Variants in RBPJ observed in about 807,000 individuals in gnomAD.
The protein encoded by RBPJ is recombining binding protein suppressor of hairless.
A neutral mutation model predicts 67.8 loss-of-function variants in RBPJ; 9 were observed. The ratio of observed to expected loss-of-function variants is 0.13; its 90% CI spans 0.08 to 0.23. RBPJ has a LOEUF of 0.23. RBPJ is among the 10% of genes least tolerant of loss of function. The pLI is 1.00. For missense variants in RBPJ, 305 were observed against 595.6 expected, an observed-to-expected ratio of 0.51 and a Z score of 5.08; for synonymous variants, 198 against 203.3, an observed-to-expected ratio of 0.97 and a Z score of 0.22.
At chr4:26,137,035 G>A in the RBPJ span, among the ~76,000 whole-genome samples, 1 of 152,176 alleles carries the variant, frequency 6.6e-6, no homozygotes, top group Non-Finnish European at 1.5e-5. Context: ...ACAAATGGGG[G>A]ACAAGACAAA....
At chr4:26,296,114 G>T (rs1721865325) in intron 1 of RBPJ, among the ~76,000 whole-genome samples, 1 of 152,076 alleles carries the variant, frequency 6.6e-6, no homozygotes, top group African/African-American at 2.4e-5. Context: ...GAGTTTAGAG[G>T]GACTATTGGA....
At chr4:26,283,936 G>T (rs745493936) in intron 1 of RBPJ, among the ~76,000 whole-genome samples, 2 of 152,096 alleles carry the variant, frequency 1.3e-5, no homozygotes, top group Non-Finnish European at 2.9e-5. Flanking sequence ...GAGCCACCAC[G>T]CCTGGCCTAT....
chr4:26,162,287 T>C (rs1577421209), upstream of RBPJ, among the ~76,000 whole-genome samples: 1 of 152,332 alleles, frequency 6.6e-6, no homozygotes, highest in Admixed American at 6.5e-5. Context: ...GGGGATTCCC[T>C]GGATGTGGGA....
chr4:26,402,564 C>T (rs1456899385), intron 2 of RBPJ, among the ~76,000 whole-genome samples: 2 of 152,158 alleles, frequency 1.3e-5, no homozygotes, highest in Non-Finnish European at 2.9e-5. Flanking sequence ...ATCTGTTAGA[C>T]TTCTTGCTGA....
At chr4:26,406,406 G>C (rs1733415568) in intron 3 of RBPJ, 136 bp downstream of exon 3, 4 of 608,266 alleles carry the variant, frequency 6.6e-6, no homozygotes, top group Non-Finnish European at 8.9e-6. Context: ...TAGGGGATTT[G>C]TCTCCTGAAG....
At chr4:26,386,186 T>G (rs1297524308) in intron 1 of RBPJ, among the ~76,000 whole-genome samples, 167 bp from the exon 2 acceptor site, 1 of 152,154 alleles carries the variant, frequency 6.6e-6, no homozygotes, top group African/African-American at 2.4e-5. Context: ...AAATGTGTGT[T>G]TTGTAATTTT....
chr4:26,401,395 C>A (rs534937684), intron 2 of RBPJ, among the ~76,000 whole-genome samples: 2 of 152,292 alleles, frequency 1.3e-5, no homozygotes, highest in South Asian at 4.1e-4. Flanking sequence ...TAACCTCTAC[C>A]CAGTTTCTAA....
intron 1 of RBPJ, among the ~76,000 whole-genome samples, chr4:26,253,956 T>C (rs1178314959): frequency 6.7e-6 from 1 of 149,114 alleles, no homozygotes; most frequent in East Asian, 1.9e-4. Context: ...AAAGTGATGA[T>C]AGTCATGTTT....
At chr4:26,271,516 C>T (rs1224916767) in intron 1 of RBPJ, among the ~76,000 whole-genome samples, 2 of 151,986 alleles carry the variant, frequency 1.3e-5, no homozygotes, top group Non-Finnish European at 2.9e-5. Context: ...GAACTCCAGT[C>T]TCCTCTCCTG....
At chr4:26,109,415 TCTCTCTCTCC>T in the RBPJ span, among the ~76,000 whole-genome samples, 449 of 19,866 alleles carry the variant, frequency 0.023, 117 homozygotes, top group South Asian at 0.027. Flanking sequence ...CACCTTCCTC[TCTCTCTCTCC>T]CTCTCTCTCT....
intron 1 of RBPJ, among the ~76,000 whole-genome samples, chr4:26,186,299 T>C (rs1307920776): frequency 6.6e-6 from 1 of 152,082 alleles, no homozygotes; most frequent in Non-Finnish European, 1.5e-5. Context: ...ATGCCTCAGT[T>C]TCCTCATCTG....
intron 1 of RBPJ, among the ~76,000 whole-genome samples, chr4:26,341,773 C>G (rs1043733821): frequency 6.6e-6 from 1 of 152,038 alleles, no homozygotes; most frequent in Non-Finnish European, 1.5e-5. Flanking sequence ...CAGAAAGAAC[C>G]CTTCAGAGGT....
At chr4:26,304,835 G>T (rs1214528457) in intron 1 of RBPJ, among the ~76,000 whole-genome samples, 1 of 148,820 alleles carries the variant, frequency 6.7e-6, no homozygotes, top group Non-Finnish European at 1.5e-5. Context: ...AAGCACAAAA[G>T]TTTTAAATTT....
chr4:26,420,321 G>A (rs947309461), intron 4 of RBPJ, among the ~76,000 whole-genome samples: 1 of 152,068 alleles, frequency 6.6e-6, no homozygotes, highest in Non-Finnish European at 1.5e-5. Flanking sequence ...TTTTAAAGAG[G>A]ATACAATAGA....
intron 1 of RBPJ, among the ~76,000 whole-genome samples, chr4:26,234,727 C>A (rs1719396663): frequency 6.6e-6 from 1 of 152,074 alleles, no homozygotes; most frequent in Non-Finnish European, 1.5e-5. Context: ...GAGTCTCGCT[C>A]TGTCACCCAG....
intron 1 of RBPJ, among the ~76,000 whole-genome samples, chr4:26,214,164 A>AAG (rs755357185): frequency 1.3e-5 from 2 of 149,210 alleles, no homozygotes; most frequent in Non-Finnish European, 1.5e-5. Context: ...AAAGAGAGAA[A>AAG]AGAGAGAGAG....
At chr4:26,358,859 C>G (rs1335652376) in intron 1 of RBPJ, among the ~76,000 whole-genome samples, 1 of 152,126 alleles carries the variant, frequency 6.6e-6, no homozygotes, top group African/African-American at 2.4e-5. Flanking sequence ...TCCCAGTTCA[C>G]TGTGTCATCA....
chr4:26,335,773 A>G (rs1056587325), intron 1 of RBPJ, among the ~76,000 whole-genome samples: 2 of 150,976 alleles, frequency 1.3e-5, no homozygotes, highest in African/African-American at 4.9e-5. Flanking sequence ...GGCATGCACC[A>G]CCTACGCCCG....
At chr4:26,207,277 C>A (rs751233019) in intron 1 of RBPJ, among the ~76,000 whole-genome samples, 5 of 151,878 alleles carry the variant, frequency 3.3e-5, no homozygotes, top group Non-Finnish European at 5.9e-5. Flanking sequence ...GGATGGAGAA[C>A]CAGGGTGGGA....
Sources: gnomAD v4.1 joint callset for allele counts (sites outside exome capture counted in the v4.1 genomes callset) on GRCh38, gnomAD v4.1.1 for gene constraint, MANE v1.5 for transcripts, NCBI Gene and HGNC (gene_info 2026-07-23, HGNC 2026-07-21) for gene names.